The following FBXW4 variants were observed in gnomAD, a reference collection of about 807,000 sequenced individuals.
The protein encoded by FBXW4 is F-box and WD repeat domain containing 4.
Under a neutral mutation model 61.8 loss-of-function variants are expected in FBXW4, and 40 were observed. The observed-to-expected ratio is 0.65, with a 90% confidence interval of 0.50 to 0.84. FBXW4 has a LOEUF of 0.84. Among genes scored for constraint, FBXW4 ranks in the 40% least tolerant of loss-of-function variants. The pLI, the probability that FBXW4 is intolerant of heterozygous loss-of-function variation, is 0.00. For missense variants in FBXW4, 672 were observed against 753.8 expected (o/e 0.89, Z 1.27); for synonymous variants, 311 against 313.8 (o/e 0.99, Z 0.10).
At chr10:101,631,174 C>T (rs2063952616) in intron 5 of FBXW4, among the ~76,000 whole-genome samples, 1 of 152,114 alleles carries the variant, frequency 6.6e-6, no homozygotes, top group East Asian at 1.9e-4. Flanking sequence ...ACTGGCATAC[C>T]ATTACCTCAA....
At chr10:101,617,993 C>G (rs533803968) in intron 6 of FBXW4, among the ~76,000 whole-genome samples, 14 of 152,330 alleles carry the variant, frequency 9.2e-5, no homozygotes, top group Admixed American at 2.6e-4. Context: ...GTGGGCCAGG[C>G]CCCTGCACAA....
At chr10:101,674,557 A>C (rs1177684936) in intron 2 of FBXW4, among the ~76,000 whole-genome samples, 1 of 152,178 alleles carries the variant, frequency 6.6e-6, no homozygotes, top group Non-Finnish European at 1.5e-5. Flanking sequence ...TTATAAGTGA[A>C]AGGAATGAAG....
intron 5 of FBXW4, among the ~76,000 whole-genome samples, chr10:101,654,153 T>A (rs892348617): frequency 6.6e-6 from 1 of 151,062 alleles, no homozygotes; most frequent in Admixed American, 6.6e-5. Context: ...AAAGCTTATA[T>A]TATCCTTTTA....
intron 5 of FBXW4, among the ~76,000 whole-genome samples, chr10:101,651,043 A>T (rs2064141518): frequency 6.6e-6 from 1 of 152,152 alleles, no homozygotes; most frequent in African/African-American, 2.4e-5. Context: ...TGGAAAAAAA[A>T]TGCAAGCATT....
intron 1 of FBXW4, among the ~76,000 whole-genome samples, chr10:101,680,045 G>A (rs2064456875): frequency 6.6e-6 from 1 of 151,058 alleles, no homozygotes; most frequent in Non-Finnish European, 1.5e-5. Flanking sequence ...TTCCATCCAA[G>A]TTGCACAAAA....
At position 101,694,927 on chromosome 10, in the gene FBXW4, G is replaced by T; in HGVS notation, c.179C>A (p.Pro60His). 2 of 1,238,886 alleles carry T rather than the reference G, an allele frequency of 1.6e-6. No individual in the cohort carries two copies. The highest frequency in any genetic ancestry group is 2.0e-6 in the Non-Finnish European group (2 of 992,038). 76.7% of individuals were successfully genotyped at this position (1,238,886 alleles called of 1,614,324 possible). Residue 60 changes from proline (P) to histidine (H), a missense_variant, in exon 1 of 9, where the codon CCC (proline) becomes CAC (histidine). Pro to His is a moderately conservative substitution (Grantham distance 77). Transcript: ENST00000331272. The surrounding 1 kb of genome is among the most constrained non-coding windows in gnomAD (Gnocchi z 6.0). ...GGRGSGAEGK[P>H]GPQTAKEAAG... ...TGCCTCCTTCGCCGTCTGCGGCCCGGGCTTCCCTTCCGCCCCGCTTCCTCT... is the reference window on the plus strand; with the variant it reads ...TGCCTCCTTCGCCGTCTGCGGCCCGTGCTTCCCTTCCGCCCCGCTTCCTCT...
At position 101,612,356 on chromosome 10, in the gene FBXW4, C is replaced by G; in HGVS notation, c.1423G>C (p.Asp475His). The G allele has an allele frequency of 6.3e-7, 1 of 1,584,562 alleles. No homozygotes were observed. Reference sequence around the variant, plus strand: ...ACTCACCGGACGCTGGTGCGGAGGTCCCAGTAGCGAACATAGGTGTCATAG... The same window carrying G: ...ACTCACCGGACGCTGGTGCGGAGGTGCCAGTAGCGAACATAGGTGTCATAG... ...CGYDTYVRYW[D>H]LRTSVRKCVM... The change falls in exon 7 of 9, where the codon GAC (aspartate) becomes CAC (histidine). Residue 475 changes from aspartate (D) to histidine (H), a missense_variant. Asp to His is a moderately conservative substitution (Grantham distance 81). Around this residue, in one of 5 missense-constraint regions of FBXW4, gnomAD observed 312 missense variants for 370.1 expected, o/e 0.84. Transcript: ENST00000331272.
At position 101,694,500 on chromosome 10, in the gene FBXW4, G is replaced by T; in HGVS notation, c.606C>A (p.Ala202=). 1 of 1,522,068 alleles carries T rather than the reference G, an allele frequency of 6.6e-7. No homozygotes were observed. Among genetic ancestry groups the T allele is most frequent in the Non-Finnish European group, 8.7e-7 (1 of 1,145,134 alleles). 94.3% of individuals were successfully genotyped at this position (1,522,068 alleles called of 1,614,324 possible). The change falls in exon 1 of 9, where the codon GCC becomes GCA. Residue 202 remains alanine (A), a synonymous_variant. Coordinates refer to ENST00000331272, the MANE Select transcript of FBXW4 (RefSeq NM_022039.4). The surrounding 1 kb of genome is among the most constrained non-coding windows in gnomAD (Gnocchi z 6.0). ...LLICSYLDMR[A]LGRLAQVCRW... Reference sequence around the variant, plus strand: ...GGCACACCTGGGCCAGGCGGCCGAGGGCCCGCATGTCCAGGTAGGAGCAGA... The same window carrying T: ...GGCACACCTGGGCCAGGCGGCCGAGTGCCCGCATGTCCAGGTAGGAGCAGA...
At chr10:101,645,664 T>G (rs1173810610) in intron 5 of FBXW4, among the ~76,000 whole-genome samples, 1 of 152,188 alleles carries the variant, frequency 6.6e-6, no homozygotes, top group Non-Finnish European at 1.5e-5. Flanking sequence ...CGCTGGGGTG[T>G]TCAAGAAAAA....
chr10:101,669,368 C>A (rs1310581099), intron 4 of FBXW4, among the ~76,000 whole-genome samples: 1 of 152,148 alleles, frequency 6.6e-6, no homozygotes, highest in Non-Finnish European at 1.5e-5. Flanking sequence ...TTTGCCTTTT[C>A]CCTGACACAA....
intron 1 of FBXW4, among the ~76,000 whole-genome samples, chr10:101,679,519 AG>A (rs2064450330): frequency 6.6e-6 from 1 of 152,248 alleles, no homozygotes; most frequent in Non-Finnish European, 1.5e-5. Flanking sequence ...TTGTAAACTA[AG>A]GAAATAAATC....
intron 5 of FBXW4, among the ~76,000 whole-genome samples, chr10:101,661,303 A>G (rs1399969680): frequency 6.6e-6 from 1 of 152,226 alleles, no homozygotes; most frequent in Non-Finnish European, 1.5e-5. Context: ...GCAGCTCAGC[A>G]CATGAGCCTC....
Position 101,694,336 on chromosome 10 carries a change from G to A in FBXW4, c.725+45C>T, listed in dbSNP as rs535857775. 7 of 1,337,924 alleles carry A rather than the reference G, an allele frequency of 5.2e-6. No individual in the cohort carries two copies. The highest frequency in any genetic ancestry group is 3.9e-5 in the South Asian group (2 of 51,440). The allele number at this position is 1,337,924 out of a possible 1,614,324, so 82.9% of individuals were successfully genotyped here. Reference sequence around the variant, plus strand: ...GGCGCCCCGCCCTTTCCCGGGACGCGGGGCCGGCTCGGGGCGGGGAGCGGG... The same window carrying A: ...GGCGCCCCGCCCTTTCCCGGGACGCAGGGCCGGCTCGGGGCGGGGAGCGGG... On this transcript the variant is annotated intron_variant, in intron 1 of 8. Transcript: ENST00000331272. This position sits in a 1 kb window ranked among gnomAD's most constrained non-coding sequence, Gnocchi z 6.0.
intron 2 of FBXW4, among the ~76,000 whole-genome samples, chr10:101,675,741 T>C (rs544281942): frequency 1.1e-4 from 17 of 152,324 alleles, no homozygotes; most frequent in African/African-American, 4.1e-4. Context: ...AAATAATAAC[T>C]ATGAAATCAT....
intron 5 of FBXW4, among the ~76,000 whole-genome samples, chr10:101,645,545 C>A (rs1177077824): frequency 6.6e-6 from 1 of 152,210 alleles, no homozygotes; most frequent in Non-Finnish European, 1.5e-5. Context: ...TCACCCCTTT[C>A]ACAAAACAAG....
intron 1 of FBXW4, among the ~76,000 whole-genome samples, chr10:101,686,346 CA>C (rs1263555208): frequency 6.6e-6 from 1 of 152,144 alleles, no homozygotes. Flanking sequence ...TTGTGATCCC[CA>C]AGAGAGGGAA....
intron 1 of FBXW4, among the ~76,000 whole-genome samples, chr10:101,689,113 C>T (rs2064562375): frequency 7.1e-6 from 1 of 140,260 alleles, no homozygotes; most frequent in African/African-American, 2.7e-5. Context: ...CAATCTTTAC[C>T]TTAGATGAAG....
chr10:101,617,844 G>A (rs1189695193), intron 6 of FBXW4, among the ~76,000 whole-genome samples: 1 of 152,142 alleles, frequency 6.6e-6, no homozygotes, highest in Non-Finnish European at 1.5e-5. Context: ...AAAAGTTAAG[G>A]GGGGAGAAAG....
chr10:101,677,747 C>A (rs1325023726), intron 1 of FBXW4, among the ~76,000 whole-genome samples: 1 of 151,142 alleles, frequency 6.6e-6, no homozygotes, highest in East Asian at 1.9e-4. Flanking sequence ...GATTCCACCA[C>A]TGCACTCCAG....
Sources: gnomAD v4.1 joint callset for allele counts (sites outside exome capture counted in the v4.1 genomes callset) on GRCh38, gnomAD v4.1.1 for gene constraint, gnomAD v4.1.1 regional missense constraint, Gnocchi (gnomAD v3.1) non-coding constraint, MANE v1.5 for transcripts, NCBI Gene and HGNC (gene_info 2026-07-23, HGNC 2026-07-21) for gene names.